The following SBNO2 variants were observed in gnomAD, a reference collection of about 807,000 sequenced individuals.
SBNO2 encodes strawberry notch homolog 2.
Under a neutral mutation model 146.3 loss-of-function variants are expected in SBNO2, and 89 were observed. The observed-to-expected ratio is 0.61, with a 90% CI of 0.51 to 0.73. SBNO2 has a LOEUF of 0.73. SBNO2 is among the 30% of genes least tolerant of loss of function. The probability of loss-of-function intolerance (pLI) is 0.00; values close to 1 mark genes in which losing one functional copy is unlikely to be tolerated. For missense variants in SBNO2, 2,092 were observed against 2,003.7 expected (o/e 1.04, Z -0.84); for synonymous variants, 1,147 against 892.6 (o/e 1.29, Z -5.08).
In SBNO2 at chr19:1,116,822, C is replaced by T; in HGVS notation, c.1802+7G>A. On this transcript the variant is annotated splice_region_variant and intron_variant, in intron 16 of 31. Coordinates refer to ENST00000361757, the MANE Select transcript of SBNO2 (RefSeq NM_014963.3). ...GCCCACAGTCCTGTCCCCACCGTGA[C>T]ACTTACTCAGCGGCCGAGACGAAGC... The T allele has an allele frequency of 6.3e-7, 1 of 1,582,546 alleles. No individual in the cohort carries two copies. Among genetic ancestry groups the T allele is most frequent in the Non-Finnish European group, 8.6e-7 (1 of 1,165,580 alleles).
rs769650950 is a variant in SBNO2, at chr19:1,112,029, G to C, written c.2667C>G (p.Ser889=). ...CAAAGTTGTACTTGCTGAGGTCACG[G>C]GACTCCGTGGCGCGGCGGTCTCCGT... The part of the protein sequence containing the change: ...LTHGDRRATE[S]RDLSKYNFEN... Residue 889 remains serine, a synonymous_variant, in exon 23 of 32, where the codon TCC becomes TCG. Coordinates refer to ENST00000361757, the MANE Select transcript of SBNO2 (RefSeq NM_014963.3). This position sits in a 1 kb window ranked among gnomAD's most constrained non-coding sequence, Gnocchi z 5.9. 2.9e-5 allele frequency: 46 copies of C among 1,612,332 alleles called. No individual in the cohort carries two copies. Among genetic ancestry groups the C allele is most frequent in the Non-Finnish European group, 3.7e-5 (44 of 1,179,742 alleles).
chr19:1,163,368 A>G (rs558142922), intron 1 of SBNO2, among the ~76,000 whole-genome samples: 7 of 152,304 alleles, frequency 4.6e-5, no homozygotes, highest in East Asian at 3.9e-4. Context: ...TGGGAGGGGC[A>G]GGAAGGGTCC....
intron 6 of SBNO2, 26 bp from the exon 7 acceptor site, chr19:1,123,665 G>A (rs1294467773): frequency 1.9e-6 from 3 of 1,594,122 alleles, no homozygotes; most frequent in Admixed American, 1.7e-5. Flanking sequence ...GAGCTCAGCG[G>A]AGACTGCAGG....
intron 2 of SBNO2, 133 bp from the exon 3 acceptor site, chr19:1,149,575 T>C: frequency 1.3e-6 from 1 of 747,086 alleles, no homozygotes; most frequent in Non-Finnish European, 2.3e-6. Flanking sequence ...CCGCCCCTGC[T>C]GGTATCTCCT....
chr19:1,110,233 G>A lies in SBNO2; in HGVS notation c.3029-456C>T, dbSNP rs976093414. Among the ~76,000 whole-genome samples, 7 of 152,122 alleles carry A rather than the reference G, an allele frequency of 4.6e-5. No individual in the cohort carries two copies. The highest frequency in any genetic ancestry group is 1.4e-4 in the African/African-American group (6 of 41,398). ...AGTGAAGTAGCCATGGCCCGGACCCGACCCTCATCTGGACACAGGGAAGTG... is the reference window on the plus strand; with the variant it reads ...AGTGAAGTAGCCATGGCCCGGACCCAACCCTCATCTGGACACAGGGAAGTG... On this transcript the variant is annotated intron_variant, in intron 26 of 31. Transcript: ENST00000361757. This position sits in a 1 kb window ranked among gnomAD's most constrained non-coding sequence, Gnocchi z 4.9.
intron 1 of SBNO2, among the ~76,000 whole-genome samples, chr19:1,171,279 C>T (rs1416027055): frequency 2.6e-5 from 4 of 152,010 alleles, no homozygotes; most frequent in South Asian, 4.1e-4. Context: ...CGCACACGTC[C>T]GTACGACGCA....
At chr19:1,119,202 C>A in intron 13 of SBNO2, 38 bp from the exon 14 acceptor site, 4 of 1,565,208 alleles carry the variant, frequency 2.6e-6, no homozygotes, top group Non-Finnish European at 2.6e-6. Flanking sequence ...ACGGCCAGAG[C>A]CCGTGGGGAT....
At chr19:1,119,312 G>A in intron 13 of SBNO2, 148 bp from the exon 14 acceptor site, 1 of 1,080,286 alleles carries the variant, frequency 9.3e-7, no homozygotes. Flanking sequence ...GCTGAGCCTG[G>A]CGGGGACGGG....
Position 1,108,977 on chromosome 19 carries a change from C to T in SBNO2, c.3426-8G>A, listed in dbSNP as rs1047371732. The T allele has an allele frequency of 1.1e-5, 16 of 1,511,462 alleles. No homozygotes were observed. Among genetic ancestry groups the T allele is most frequent in the Non-Finnish European group, 1.2e-5 (14 of 1,134,336 alleles). The allele number at this position is 1,511,462 out of a possible 1,614,324, so 93.6% of individuals were successfully genotyped here. ...AGCCGGCAGTGCCGGTTCCTGCGGACGAGACGGGTCGTCTCGGCTCAGGCG... is the reference window on the plus strand; with the variant it reads ...AGCCGGCAGTGCCGGTTCCTGCGGATGAGACGGGTCGTCTCGGCTCAGGCG... On this transcript the variant is annotated splice_region_variant and splice_polypyrimidine_tract_variant and intron_variant, in intron 30 of 31. Coordinates refer to ENST00000361757, the MANE Select transcript of SBNO2 (RefSeq NM_014963.3).
chr19:1,133,666 CA>C (rs2080057369), intron 4 of SBNO2, among the ~76,000 whole-genome samples: 1 of 152,208 alleles, frequency 6.6e-6, no homozygotes, highest in South Asian at 2.1e-4. Context: ...GGAAAACAAC[CA>C]ATGGGGAAGA....
intron 1 of SBNO2, among the ~76,000 whole-genome samples, chr19:1,165,357 C>T (rs991638700): frequency 1.3e-5 from 2 of 152,122 alleles, no homozygotes; most frequent in African/African-American, 4.8e-5. Flanking sequence ...AGCCACAGGG[C>T]CAGGGGGACG....
rs1201956921 is a variant in SBNO2, at chr19:1,110,157, A to AGCAGGCTGTGGGGGATC, written c.3029-397_3029-381dup. On this transcript the variant is annotated intron_variant, in intron 26 of 31. Coordinates refer to ENST00000361757, the MANE Select transcript of SBNO2 (RefSeq NM_014963.3). The surrounding 1 kb of genome is among the most constrained non-coding windows in gnomAD (Gnocchi z 4.9). ...GCTGCTCAGGTGCTGGGTGACCCCAAGCAGGCTGTGGGGGATCGTGGGAGC... is the reference window on the plus strand; with the variant it reads ...GCTGCTCAGGTGCTGGGTGACCCCAAGCAGGCTGTGGGGGATCGCAGGCTGTGGGGGATCGTGGGAGC... 6.6e-6 allele frequency among the ~76,000 whole-genome samples: 1 copy of AGCAGGCTGTGGGGGATC among 152,076 alleles called. No homozygotes were observed. The highest frequency in any genetic ancestry group is 1.5e-5 in the Non-Finnish European group (1 of 67,974).
chr19:1,158,228 TG>T lies in SBNO2; in HGVS notation c.-126-3827del, dbSNP rs2080310673. ...TGGGGGTCCCTGAGCACCTGTCGTG[TG>T]GAGCCCCTTCGCGCGCTCCGCCCTC... On this transcript the variant is annotated intron_variant, in intron 1 of 31. Coordinates refer to ENST00000361757, the MANE Select transcript of SBNO2 (RefSeq NM_014963.3). The surrounding 1 kb of genome is among the most constrained non-coding windows in gnomAD (Gnocchi z 9.9). Among the ~76,000 whole-genome samples the T allele has an allele frequency of 6.6e-6, 1 of 152,182 alleles. No individual in the cohort carries two copies. The highest frequency in any genetic ancestry group is 1.5e-5 in the Non-Finnish European group (1 of 68,024).
At chr19:1,123,121 C>T (rs896747300) in intron 7 of SBNO2, 76 bp from the exon 8 acceptor site, 46 of 1,518,024 alleles carry the variant, frequency 3.0e-5, no homozygotes, top group South Asian at 8.4e-5. Flanking sequence ...GCACGCTGGG[C>T]GGGTCTGGGG....
In SBNO2 at chr19:1,108,652, C is replaced by T. The variant is rs757314058; in HGVS notation, c.3669G>A (p.Leu1223=). The part of the protein sequence containing the change: ...CVRRVLQELR[L]MDADVKRRQA... Reference sequence around the variant, plus strand: ...GCCTGCGCTTCACGTCCGCATCCATCAGCCGCAGCTCCTGCAGCACCCGGC... The same window carrying T: ...GCCTGCGCTTCACGTCCGCATCCATTAGCCGCAGCTCCTGCAGCACCCGGC... The change falls in exon 32 of 32, where the codon CTG becomes CTA. Residue 1223 remains leucine (L), a synonymous_variant. Coordinates refer to ENST00000361757, the MANE Select transcript of SBNO2 (RefSeq NM_014963.3). The T allele has an allele frequency of 3.3e-6, 5 of 1,515,720 alleles. No homozygotes were observed. The highest frequency in any genetic ancestry group is 4.1e-5 in the Admixed American group (2 of 48,736). 93.9% of individuals were successfully genotyped at this position (1,515,720 alleles called of 1,614,324 possible). A position where few individuals can be genotyped will look rare whatever the true frequency, so the allele number is the denominator to read the frequency against.
rs1415762351 is a variant in SBNO2, at chr19:1,147,410, T to C, written c.178A>G (p.Ser60Gly). Reference sequence around the variant, plus strand: ...TGGCTGCCGAGGAAGGAGGCGGAGCTCATGAACGGGCTGGAGGGAGATGGG... The same window carrying C: ...TGGCTGCCGAGGAAGGAGGCGGAGCCCATGAACGGGCTGGAGGGAGATGGG... Reference protein sequence around the residue: ...AFSSDSRPFMSSASFLGSQPC... With the variant: ...AFSSDSRPFMGSASFLGSQPC... Residue 60 changes from serine (S) to glycine (G), a missense_variant, in exon 4 of 32, where the codon AGC becomes GGC. Coordinates refer to ENST00000361757, the MANE Select transcript of SBNO2 (RefSeq NM_014963.3). The C allele has an allele frequency of 1.8e-6, 2 of 1,087,358 alleles. No homozygotes were observed. Among genetic ancestry groups the C allele is most frequent in the Admixed American group, 2.8e-5 (1 of 35,386 alleles). 67.4% of individuals were successfully genotyped at this position (1,087,358 alleles called of 1,614,324 possible). A position where few individuals can be genotyped will look rare whatever the true frequency, so the allele number is the denominator to read the frequency against.
In SBNO2 at chr19:1,150,489, C is replaced by T. The variant is rs563079769; in HGVS notation, c.94-1047G>A. Among the ~76,000 whole-genome samples the T allele has an allele frequency of 3.4e-3, 513 of 151,556 alleles. 4 individuals carry two copies. The highest frequency in any genetic ancestry group is 0.012 in the African/African-American group (494 of 41,158). On this transcript the variant is annotated intron_variant, in intron 2 of 31. Transcript: ENST00000361757. The surrounding 1 kb of genome is among the most constrained non-coding windows in gnomAD (Gnocchi z 6.2). ...GACCCTGCCGTCACGGATGCCCCCACGGTCACGGGGGAGACCCTGCCGTCA... is the reference window on the plus strand; with the variant it reads ...GACCCTGCCGTCACGGATGCCCCCATGGTCACGGGGGAGACCCTGCCGTCA...
At chr19:1,122,870 G>C in intron 8 of SBNO2, 24 bp downstream of exon 8, 1 of 1,540,680 alleles carries the variant, frequency 6.5e-7, no homozygotes, top group Non-Finnish European at 8.7e-7. Context: ...CACAGGCTGG[G>C]CTGGGTTGGG....
chr19:1,161,545 AAGTGGGGGTGGG>A (rs1313402271), intron 1 of SBNO2, among the ~76,000 whole-genome samples: 1 of 8,542 alleles, frequency 1.2e-4, no homozygotes, highest in Non-Finnish European at 2.1e-4. Context: ...GGGGGGGTGG[AAGTGGGGGTGGG>A]AGTGCCTGAG....
Sources: gnomAD v4.1 joint callset for allele counts (sites outside exome capture counted in the v4.1 genomes callset) on GRCh38, gnomAD v4.1.1 for gene constraint, Gnocchi (gnomAD v3.1) non-coding constraint, MANE v1.5 for transcripts, NCBI Gene and HGNC (gene_info 2026-07-23, HGNC 2026-07-21) for gene names.